Variants in NRCAM observed in about 807,000 individuals in gnomAD.
The protein encoded by NRCAM is NgCAM-related cell adhesion molecule.
A neutral mutation model predicts 156.5 loss-of-function variants in NRCAM; 83 were observed. The observed-to-expected ratio is 0.53, with a 90% CI of 0.44 to 0.64. The LOEUF (loss-of-function observed/expected upper bound fraction) is 0.64, where lower values mean the gene tolerates loss of function less well. Ranked by LOEUF, NRCAM falls within the 30% of genes least tolerant of loss-of-function variation. The probability of loss-of-function intolerance (pLI) is 0.00; values close to 1 mark genes in which losing one functional copy is unlikely to be tolerated. For synonymous variants in NRCAM, 538 were observed against 563.9 expected, an observed-to-expected ratio of 0.95 and a Z score of 0.65; for missense variants, 1,417 against 1,597.3, an observed-to-expected ratio of 0.89 and a Z score of 1.92.
At chr7:108,337,771 AC>A (rs1221514529) in intron 2 of NRCAM, among the ~76,000 whole-genome samples, 5 of 151,990 alleles carry the variant, frequency 3.3e-5, no homozygotes, top group Admixed American at 6.6e-5. Context: ...GCGGCCTGCC[AC>A]CATCTTGGAA....
chr7:108,150,097 T>C lies in NRCAM; in HGVS notation c.3728A>G (p.Asp1243Gly). The change falls in exon 33 of 33, where the codon GAC becomes GGC. Residue 1243 changes from aspartate to glycine, a missense_variant. By Grantham distance (94) the Asp-to-Gly change is moderately conservative. Around this residue, in one of 2 missense-constraint regions of NRCAM, gnomAD observed 179 missense variants for 260.9 expected, o/e 0.69. Coordinates refer to ENST00000379028, the MANE Select transcript of NRCAM (RefSeq NM_001037132.4). ...ACTATCTTCTTTTTTCACAGTCCTG[T>C]CTGAAGGAGTTCGACTTCCTTTTTT... ...PLKKGSRTPSDRTVKKEDSDD... is the reference protein window; with the variant it reads ...PLKKGSRTPSGRTVKKEDSDD... 6.2e-7 allele frequency: 1 copy of C among 1,613,488 alleles called. No individual in the cohort carries two copies. Among genetic ancestry groups the C allele is most frequent in the Non-Finnish European group, 8.5e-7 (1 of 1,179,852 alleles).
Position 108,154,911 on chromosome 7 carries a change from T to C in NRCAM, c.3677+4552A>G, listed in dbSNP as rs116538236. On this transcript the variant is annotated intron_variant, in intron 32 of 32. Coordinates refer to ENST00000379028, the MANE Select transcript of NRCAM (RefSeq NM_001037132.4). ...CAGGTGTAGTGAGTGGTTATGACTC[T>C]ATGAGAAGCACAGTATGAGGGCTTG... 1.9e-3 allele frequency among the ~76,000 whole-genome samples: 286 copies of C among 152,100 alleles called. 2 individuals are homozygous for C. Among genetic ancestry groups the C allele is most frequent in the African/African-American group, 6.6e-3 (275 of 41,536 alleles).
intron 2 of NRCAM, among the ~76,000 whole-genome samples, chr7:108,358,432 C>T (rs2099523179): frequency 6.6e-6 from 1 of 151,080 alleles, no homozygotes; most frequent in South Asian, 2.1e-4. Context: ...ACCCCCAAAA[C>T]TTCCTGCCAC....
chr7:108,215,731 CTTT>C (rs60725485), intron 11 of NRCAM, among the ~76,000 whole-genome samples: 208 of 127,622 alleles, frequency 1.6e-3, no homozygotes, highest in Middle Eastern at 4.2e-3. Context: ...CAACCCCTGC[CTTT>C]TTTTTTTTTT....
At chr7:108,274,017 G>A (rs1367275531) in intron 3 of NRCAM, among the ~76,000 whole-genome samples, 2 of 152,118 alleles carry the variant, frequency 1.3e-5, no homozygotes, top group Non-Finnish European at 2.9e-5. Context: ...CCCATTGCTT[G>A]TTTTTCTCAG....
At position 108,305,926 on chromosome 7, in the gene NRCAM, CAT is replaced by C. The variant is rs373415894; in HGVS notation, c.-107+6737_-107+6738del. On this transcript the variant is annotated intron_variant, in intron 3 of 32. Transcript: ENST00000379028. ...AACATGTATTAAAATGATTTAAACACATATTCTGTGTACCGCAAGTTCCAAAA... is the reference window on the plus strand; with the variant it reads ...AACATGTATTAAAATGATTTAAACACATTCTGTGTACCGCAAGTTCCAAAA... 7.9e-5 allele frequency among the ~76,000 whole-genome samples: 12 copies of C among 152,292 alleles called. No individual in the cohort carries two copies. The East Asian group carries it at 1.9e-3, about 24-fold the overall frequency.
intron 30 of NRCAM, among the ~76,000 whole-genome samples, chr7:108,164,282 C>A (rs910405381): frequency 3.8e-4 from 57 of 151,702 alleles, no homozygotes; most frequent in African/African-American, 1.3e-3. Flanking sequence ...AGCGCAGCAT[C>A]AGGACACCGC....
At chr7:108,455,265 G>T (rs1443707312) in intron 1 of NRCAM, among the ~76,000 whole-genome samples, 5 of 152,270 alleles carry the variant, frequency 3.3e-5, no homozygotes, top group East Asian at 1.9e-4. Flanking sequence ...AACCGCCTGG[G>T]ACCAGGATGC....
intron 32 of NRCAM, 130 bp downstream of exon 32, chr7:108,159,333 G>T: frequency 1.2e-6 from 1 of 803,164 alleles, no homozygotes. Context: ...ACTGATACAT[G>T]GAAGTATCCC....
Position 108,191,266 on chromosome 7 carries a change from C to T in NRCAM, c.1921G>A (p.Ala641Thr), listed in dbSNP as rs532349077. 1.2e-6 allele frequency: 2 copies of T among 1,605,014 alleles called. No individual in the cohort carries two copies. Among genetic ancestry groups the T allele is most frequent in the Admixed American group, 1.7e-5 (1 of 59,014 alleles). ...CATATTAGTTTACCGTAAACGGGAG[C>T]TGGAGTTGGAGTAGGAGCTAGAAAG... ...LSVVAPTPTPAPVYDVPNPPF... is the reference protein window; with the variant it reads ...LSVVAPTPTPTPVYDVPNPPF... The change falls in exon 19 of 33, where the codon GCT (alanine) becomes ACT (threonine). Residue 641 changes from alanine to threonine, a missense_variant. Physicochemically the swap from Ala to Thr is moderately conservative, Grantham distance 58. Transcript: ENST00000379028.
At chr7:108,159,728 T>C (rs57315620) in intron 31 of NRCAM, among the ~76,000 whole-genome samples, 187 bp from the exon 32 acceptor site, 3 of 152,192 alleles carry the variant, frequency 2.0e-5, no homozygotes, top group Admixed American at 2.0e-4. Context: ...GGCAACCCAA[T>C]AGAATGTACA....
Position 108,149,746 on chromosome 7 carries a change from T to G in NRCAM, c.*164A>C. On this transcript the variant is annotated 3_prime_UTR_variant, in exon 33 of 33. Transcript: ENST00000379028. ...CTTTGCATTCCAGTTCATATTAACA[T>G]ATCATTTGACTGAGTTATGTTTTTG... is the stretch of plus-strand genomic sequence containing the variant. 1.6e-6 allele frequency: 1 copy of G among 642,284 alleles called. No homozygotes were observed. Among genetic ancestry groups the G allele is most frequent in the Non-Finnish European group, 2.7e-6 (1 of 367,522 alleles). 39.8% of individuals were successfully genotyped at this position (642,284 alleles called of 1,614,324 possible). A position where few individuals can be genotyped will look rare whatever the true frequency, so the allele number is the denominator to read the frequency against.
At chr7:108,186,348 A>T (rs2066783702) in intron 20 of NRCAM, among the ~76,000 whole-genome samples, 1 of 152,176 alleles carries the variant, frequency 6.6e-6, no homozygotes, top group South Asian at 2.1e-4. Flanking sequence ...GTTGTCCATG[A>T]CAGCATCTCA....
intron 2 of NRCAM, among the ~76,000 whole-genome samples, chr7:108,314,695 TA>T (rs1440894467): frequency 4.7e-4 from 71 of 152,310 alleles, no homozygotes; most frequent in African/African-American, 1.7e-3. Context: ...TGTTTCAGAG[TA>T]AATTGCTATG....
chr7:108,215,947 G>C (rs1180368873), intron 11 of NRCAM, among the ~76,000 whole-genome samples: 2 of 152,252 alleles, frequency 1.3e-5, no homozygotes, highest in East Asian at 1.9e-4. Context: ...ATTTGATCCT[G>C]TCATTATGAT....
chr7:108,177,347 G>C (rs2060940113), intron 26 of NRCAM, among the ~76,000 whole-genome samples: 1 of 152,148 alleles, frequency 6.6e-6, no homozygotes, highest in Non-Finnish European at 1.5e-5. Context: ...GGGAAGGCTG[G>C]GCGCAGTGGC....
intron 2 of NRCAM, among the ~76,000 whole-genome samples, chr7:108,320,663 C>A (rs373823295): frequency 6.6e-6 from 1 of 152,142 alleles, no homozygotes; most frequent in South Asian, 2.1e-4. Flanking sequence ...TTCATTGACA[C>A]ATAAAGTGAC....
intron 8 of NRCAM, among the ~76,000 whole-genome samples, chr7:108,229,796 C>CT (rs1337588464): frequency 1.3e-5 from 2 of 152,158 alleles, no homozygotes; most frequent in Non-Finnish European, 2.9e-5. Flanking sequence ...CATGTACTCC[C>CT]TCTAAGGTAA....
At chr7:108,340,663 G>A (rs1164204881) in intron 2 of NRCAM, among the ~76,000 whole-genome samples, 2 of 152,148 alleles carry the variant, frequency 1.3e-5, no homozygotes, top group African/African-American at 4.8e-5. Context: ...TTGCATGCTA[G>A]AAGGACTAAG....
Sources: gnomAD v4.1 joint callset for allele counts (sites outside exome capture counted in the v4.1 genomes callset) on GRCh38, gnomAD v4.1.1 for gene constraint, gnomAD v4.1.1 regional missense constraint, MANE v1.5 for transcripts, NCBI Gene and HGNC (gene_info 2026-07-23, HGNC 2026-07-21) for gene names.